The following TMEM132D variants were observed in gnomAD, a reference collection of about 807,000 sequenced individuals.
TMEM132D encodes transmembrane protein 132D, also known as mature OL transmembrane protein.
Under a neutral mutation model 62.3 loss-of-function variants are expected in TMEM132D, and 21 were observed. The ratio of observed to expected loss-of-function variants is 0.34; its 90% CI spans 0.24 to 0.49. TMEM132D has a LOEUF of 0.49. TMEM132D is among the 20% of genes least tolerant of loss of function. TMEM132D has a pLI of 0.99. For synonymous variants in TMEM132D, 621 were observed against 575.6 expected, an observed-to-expected ratio of 1.08 and a Z score of -1.13; for missense variants, 1,346 against 1,402.8, an observed-to-expected ratio of 0.96 and a Z score of 0.65.
intron 5 of TMEM132D, among the ~76,000 whole-genome samples, chr12:129,159,308 G>C (rs1411913100): frequency 6.6e-6 from 1 of 152,196 alleles, no homozygotes; most frequent in Admixed American, 6.5e-5. Flanking sequence ...CATTCATGTT[G>C]ATGAGCTGTG....
At chr12:129,507,531 GA>G (rs1875371901) in intron 3 of TMEM132D, among the ~76,000 whole-genome samples, 1 of 152,182 alleles carries the variant, frequency 6.6e-6, no homozygotes, top group Non-Finnish European at 1.5e-5. Flanking sequence ...TCAGCCATAA[GA>G]AGTAATGAAT....
chr12:129,864,640 G>A (rs982775131), intron 1 of TMEM132D, among the ~76,000 whole-genome samples: 3 of 152,218 alleles, frequency 2.0e-5, no homozygotes, highest in African/African-American at 4.8e-5. Flanking sequence ...AAGAGATGGG[G>A]ACAGACTAGT....
At chr12:129,291,252 T>C (rs1488726717) in intron 4 of TMEM132D, among the ~76,000 whole-genome samples, 4 of 152,236 alleles carry the variant, frequency 2.6e-5, no homozygotes, top group African/African-American at 9.6e-5. Context: ...GATGTGTTCA[T>C]TATTGAGGAA....
intron 4 of TMEM132D, among the ~76,000 whole-genome samples, chr12:129,243,985 G>T (rs1292210139): frequency 6.6e-6 from 1 of 152,122 alleles, no homozygotes; most frequent in African/African-American, 2.4e-5. Context: ...ATCTCAGGGG[G>T]AGGAAGTGCG....
intron 4 of TMEM132D, 83 bp downstream of exon 4, chr12:129,337,551 A>ACCCAGCCTGGGACTCAGTGCGGCG: frequency 6.5e-7 from 1 of 1,530,530 alleles, no homozygotes; most frequent in Non-Finnish European, 8.8e-7. Flanking sequence ...CCTTTTCCCC[A>ACCCAGCCTGGGACTCAGTGCGGCG]CCCAGCCTGG....
At chr12:129,749,951 G>T (rs529531566) in intron 1 of TMEM132D, among the ~76,000 whole-genome samples, 12 of 152,280 alleles carry the variant, frequency 7.9e-5, no homozygotes, top group Non-Finnish European at 1.5e-4. Context: ...TGTGGCAGTG[G>T]TTAGCAAAGC....
Position 129,451,725 on chromosome 12 carries a change from T to A in TMEM132D, c.1115+79334A>T, listed in dbSNP as rs574211410. Among the ~76,000 whole-genome samples, 9 of 152,270 alleles carry A rather than the reference T, an allele frequency of 5.9e-5. No individual in the cohort carries two copies. The South Asian group carries it at 1.0e-3, about 18-fold the overall frequency. On this transcript the variant is annotated intron_variant, in intron 3 of 8. Coordinates refer to ENST00000422113, the MANE Select transcript of TMEM132D (RefSeq NM_133448.3). ...AGAGAAAAGACAGCCAGGACTGATA[T>A]GGCAGCTTCATGATATCAACAGAAA...
intron 4 of TMEM132D, among the ~76,000 whole-genome samples, chr12:129,264,943 A>T (rs1880646374): frequency 6.6e-6 from 1 of 152,160 alleles, no homozygotes; most frequent in Non-Finnish European, 1.5e-5. Context: ...TGAGGAATAA[A>T]AGACTACAGA....
intron 4 of TMEM132D, among the ~76,000 whole-genome samples, chr12:129,257,819 G>A (rs1880447655): frequency 6.6e-6 from 1 of 152,178 alleles, no homozygotes; most frequent in Admixed American, 6.5e-5. Flanking sequence ...GATGCTGTCT[G>A]GGCATGGAGA....
rs112567790 is a variant in TMEM132D, at chr12:129,769,788, G to A, written c.80-69090C>T. Among the ~76,000 whole-genome samples the A allele has an allele frequency of 5.7e-4, 87 of 152,236 alleles. 4 individuals are homozygous for A. Among genetic ancestry groups the A allele is most frequent in the African/African-American group, 1.9e-3 (79 of 41,516 alleles). On this transcript the variant is annotated intron_variant, in intron 1 of 8. Transcript: ENST00000422113. The stretch of plus-strand genomic sequence containing the variant: ...TCTATTAAGGGGTGTTTATCCAGGG[G>A]GTAAAACATTCAAACTTGTGAAGGA...
chr12:129,446,617 C>G (rs569587945), intron 3 of TMEM132D, among the ~76,000 whole-genome samples: 1 of 152,180 alleles, frequency 6.6e-6, no homozygotes, highest in Non-Finnish European at 1.5e-5. Context: ...TCTCAGTCCT[C>G]CCTACCTCCT....
chr12:129,782,774 T>C (rs140187266), intron 1 of TMEM132D, among the ~76,000 whole-genome samples: 1 of 134,454 alleles, frequency 7.4e-6, no homozygotes, highest in South Asian at 2.3e-4. Context: ...CAGGTGTATT[T>C]CTGATAAATC....
chr12:129,251,252 G>T (rs1465446535), intron 4 of TMEM132D, among the ~76,000 whole-genome samples: 1 of 151,010 alleles, frequency 6.6e-6, no homozygotes. Flanking sequence ...TCAGCTACTC[G>T]GGAGGCTGAG....
intron 5 of TMEM132D, among the ~76,000 whole-genome samples, chr12:129,147,272 G>GTATATATATACATGTGCATATGTA (rs1565978394): frequency 2.0e-5 from 3 of 148,948 alleles, no homozygotes; most frequent in African/African-American, 7.4e-5. Context: ...ATGTGCATAT[G>GTATATATATACATGTGCATATGTA]TATATATATA....
At chr12:129,758,833 T>G (rs1870256111) in intron 1 of TMEM132D, among the ~76,000 whole-genome samples, 1 of 152,170 alleles carries the variant, frequency 6.6e-6, no homozygotes, top group Non-Finnish European at 1.5e-5. Flanking sequence ...TGTCCTAGCC[T>G]CAAATCTATT....
At chr12:129,763,751 CA>C (rs11285152) in intron 1 of TMEM132D, among the ~76,000 whole-genome samples, 143,837 of 151,976 alleles carry the variant, frequency 0.95, 68,351 homozygotes, top group Non-Finnish European at 1. Context: ...CATGGACCCC[CA>C]AGGCTGCAGG....
intron 1 of TMEM132D, among the ~76,000 whole-genome samples, chr12:129,890,791 T>C (rs1415630621): frequency 2.6e-5 from 4 of 152,228 alleles, no homozygotes; most frequent in African/African-American, 9.6e-5. Context: ...CCTCAGAGTG[T>C]ATCATATTAC....
intron 1 of TMEM132D, among the ~76,000 whole-genome samples, chr12:129,709,300 C>T (rs1367386096): frequency 6.6e-6 from 1 of 152,120 alleles, no homozygotes; most frequent in Non-Finnish European, 1.5e-5. Flanking sequence ...CAGAAATACT[C>T]TGAAAAATTT....
At chr12:129,160,700 G>A (rs4964846) in intron 5 of TMEM132D, among the ~76,000 whole-genome samples, 93,013 of 152,062 alleles carry the variant, frequency 0.61, 28,931 homozygotes, top group Non-Finnish European at 0.67. Flanking sequence ...AGTCTTGGAT[G>A]CTTTAGAAGG....
Sources: allele counts gnomAD v4.1 joint callset (sites outside exome capture counted in the v4.1 genomes callset), GRCh38; gene constraint gnomAD v4.1.1; transcripts MANE v1.5; gene names NCBI Gene and HGNC (gene_info 2026-07-23, HGNC 2026-07-21).